Variants in XIRP2 observed in about 807,000 individuals in gnomAD.
XIRP2 encodes the protein xin actin-binding repeat-containing protein 2.
XIRP2 carries 236 observed loss-of-function variants against 277.0 expected under a neutral mutation model. The observed-to-expected ratio is 0.85, with a 90% confidence interval of 0.77 to 0.95. XIRP2 has a LOEUF of 0.95. XIRP2 is among the 40% of genes least tolerant of loss of function. The pLI is 0.00. For missense variants in XIRP2, 4,640 were observed against 4,157.5 expected, an observed-to-expected ratio of 1.12 and a Z score of -3.19; for synonymous variants, 1,490 against 1,416.5, an observed-to-expected ratio of 1.05 and a Z score of -1.17.
chr2:167,021,589 C>G (rs564228504), intron 2 of XIRP2, among the ~76,000 whole-genome samples: 7 of 152,106 alleles, frequency 4.6e-5, no homozygotes, highest in Admixed American at 1.3e-4. Context: ...TGGCTGATGT[C>G]TGGAATCCCA....
intron 2 of XIRP2, among the ~76,000 whole-genome samples, chr2:166,929,948 A>C (rs1483083198): frequency 6.6e-6 from 1 of 152,192 alleles, no homozygotes; most frequent in African/African-American, 2.4e-5. Flanking sequence ...ATTACATCAG[A>C]ATAGTTAGAG....
At chr2:166,905,797 G>T (rs1256324339) in intron 2 of XIRP2, among the ~76,000 whole-genome samples, 3 of 151,886 alleles carry the variant, frequency 2.0e-5, no homozygotes, top group Non-Finnish European at 2.9e-5. Context: ...AGAGCTCAAT[G>T]AGGAATTAAC....
intron 2 of XIRP2, among the ~76,000 whole-genome samples, chr2:167,026,966 C>G (rs1202754338): frequency 6.6e-6 from 1 of 152,102 alleles, no homozygotes; most frequent in Non-Finnish European, 1.5e-5. Flanking sequence ...TTTGGTGAAT[C>G]TGACAATTAT....
intron 2 of XIRP2, among the ~76,000 whole-genome samples, chr2:166,956,787 C>G (rs1415042703): frequency 6.6e-6 from 1 of 151,694 alleles, no homozygotes; most frequent in Non-Finnish European, 1.5e-5. Context: ...AAGATTCTGT[C>G]CCTTTAAAAA....
At position 167,258,105 on chromosome 2, in the gene XIRP2, A is replaced by G. The variant is rs760447206; in HGVS notation, c.*288A>G. ...GAACATTTAGATGCTGGTAACAGTG[A>G]AGGGCAAAGGAATGATTTGAGAAAA... is the stretch of plus-strand genomic sequence containing the variant. On this transcript the variant is annotated 3_prime_UTR_variant, in exon 11 of 11. Transcript: ENST00000409195. The G allele has an allele frequency of 4.1e-5, 66 of 1,613,112 alleles. No homozygotes were observed. Among genetic ancestry groups the G allele is most frequent in the Non-Finnish European group, 5.4e-5 (64 of 1,179,552 alleles).
At chr2:166,935,587 G>A (rs1359421675) in intron 2 of XIRP2, among the ~76,000 whole-genome samples, 1 of 152,072 alleles carries the variant, frequency 6.6e-6, no homozygotes, top group Admixed American at 6.6e-5. Flanking sequence ...GATAGGCCCT[G>A]GTGTGTGATG....
At chr2:166,907,943 C>G (rs1191992975) in intron 2 of XIRP2, among the ~76,000 whole-genome samples, 1 of 152,088 alleles carries the variant, frequency 6.6e-6, no homozygotes, top group African/African-American at 2.4e-5. Context: ...AGGACATGAA[C>G]TCATCCTTTT....
intron 2 of XIRP2, among the ~76,000 whole-genome samples, chr2:167,120,932 T>A (rs940561755): frequency 6.6e-6 from 1 of 152,196 alleles, no homozygotes; most frequent in Admixed American, 6.6e-5. Context: ...TACAATTATA[T>A]GTTGAAATAT....
intron 3 of XIRP2, among the ~76,000 whole-genome samples, chr2:167,142,941 G>A (rs1691762923): frequency 6.6e-6 from 1 of 151,996 alleles, no homozygotes; most frequent in South Asian, 2.1e-4. Context: ...AAGGAGGAAG[G>A]GAAGGAGGGA....
At chr2:167,214,455 C>T (rs535766673) in intron 4 of XIRP2, among the ~76,000 whole-genome samples, 100 of 131,378 alleles carry the variant, frequency 7.6e-4, no homozygotes, top group African/African-American at 2.8e-3. Flanking sequence ...CCAGCCCGGA[C>T]GGCTGAGTGA....
chr2:166,956,424 T>C (rs1686161928), intron 2 of XIRP2, among the ~76,000 whole-genome samples: 1 of 151,834 alleles, frequency 6.6e-6, no homozygotes, highest in Non-Finnish European at 1.5e-5. Context: ...ATAATGAGAC[T>C]GTTCAAAGCA....
rs187888724 is a variant in XIRP2, at chr2:166,922,426, T to C, written c.408+18536T>C. 2.0e-5 allele frequency among the ~76,000 whole-genome samples: 3 copies of C among 152,272 alleles called. No homozygotes were observed. In the East Asian group the frequency reaches 5.8e-4, roughly 29 times the overall value. On this transcript the variant is annotated intron_variant, in intron 2 of 10. Transcript: ENST00000409195. ...AAAATATGCATCTTTTTTGCAGCAG[T>C]GCCTCAAAGGTACAACAATGAGCAT...
chr2:167,035,969 T>C (rs1439968762), intron 2 of XIRP2, among the ~76,000 whole-genome samples: 2 of 152,214 alleles, frequency 1.3e-5, no homozygotes, highest in Admixed American at 1.3e-4. Flanking sequence ...AGCCCCAAGC[T>C]TGGCAGCTTC....
At chr2:167,163,904 G>A (rs561659360) in intron 3 of XIRP2, among the ~76,000 whole-genome samples, 185 of 152,258 alleles carry the variant, frequency 1.2e-3, no homozygotes, top group South Asian at 3.9e-3. Flanking sequence ...TTTTTGAAAG[G>A]ACTTTTTCTT....
Position 167,251,812 on chromosome 2 carries a change from AAAG to A in XIRP2, c.10424_10426del (p.Glu3475del). ...TATTTTAGATATCTCTGATTCACCTAAAGAAGTAAGAAAAAATTTTCAAAAGAC... is the reference window on the plus strand; with the variant it reads ...TATTTTAGATATCTCTGATTCACCTAAAGTAAGAAAAAATTTTCAAAAGAC... On this transcript the variant is annotated inframe_deletion, in exon 9 of 11. Coordinates refer to ENST00000409195, the MANE Select transcript of XIRP2 (RefSeq NM_152381.6). 6.2e-7 allele frequency: 1 copy of A among 1,613,330 alleles called. No individual in the cohort carries two copies. The highest frequency in any genetic ancestry group is 8.5e-7 in the Non-Finnish European group (1 of 1,179,564).
intron 2 of XIRP2, among the ~76,000 whole-genome samples, chr2:167,026,048 T>A (rs1055771562): frequency 1.3e-4 from 19 of 151,964 alleles, no homozygotes; most frequent in Non-Finnish European, 2.1e-4. Flanking sequence ...TAATGTTGAG[T>A]GTGGGGTGTT....
intron 2 of XIRP2, among the ~76,000 whole-genome samples, chr2:167,011,179 G>A (rs891455873): frequency 6.6e-6 from 1 of 150,512 alleles, no homozygotes; most frequent in African/African-American, 2.5e-5. Context: ...TCCAGTTTTT[G>A]CCCATTCAGT....
At chr2:167,082,236 C>G (rs573284820) in intron 2 of XIRP2, among the ~76,000 whole-genome samples, 3 of 152,022 alleles carry the variant, frequency 2.0e-5, no homozygotes, top group Non-Finnish European at 2.9e-5. Flanking sequence ...GAGAATGATG[C>G]TTTCCAATTT....
chr2:166,947,624 G>A (rs544933556), intron 2 of XIRP2, among the ~76,000 whole-genome samples: 1 of 152,162 alleles, frequency 6.6e-6, no homozygotes, highest in African/African-American at 2.4e-5. Flanking sequence ...AAATTCTACT[G>A]TGAGAAATAG....
Sources: allele counts gnomAD v4.1 joint callset (sites outside exome capture counted in the v4.1 genomes callset), GRCh38; gene constraint gnomAD v4.1.1; transcripts MANE v1.5; gene names NCBI Gene and HGNC (gene_info 2026-07-23, HGNC 2026-07-21).